ATRNL1: variants seen among roughly 807,000 people sequenced by gnomAD.
ATRNL1 encodes the protein attractin like 1.
A neutral mutation model predicts 182.7 loss-of-function variants in ATRNL1; 95 were observed. The observed-to-expected ratio is 0.52, with a 90% CI of 0.44 to 0.62. The LOEUF (loss-of-function observed/expected upper bound fraction) is 0.62, where lower values mean the gene tolerates loss of function less well. ATRNL1 is among the 20% of genes least tolerant of loss of function. The pLI, the probability that ATRNL1 is intolerant of heterozygous loss-of-function variation, is 0.00. For synonymous variants in ATRNL1, 576 were observed against 568.3 expected, an observed-to-expected ratio of 1.01 and a Z score of -0.19; for missense variants, 1,471 against 1,679.5, an observed-to-expected ratio of 0.88 and a Z score of 2.17.
chr10:115,572,468 G>A (rs868980617), intron 26 of ATRNL1, among the ~76,000 whole-genome samples: 1 of 152,108 alleles, frequency 6.6e-6, no homozygotes, highest in Non-Finnish European at 1.5e-5. Context: ...CTACAATCTA[G>A]GGTTTTACCT....
At chr10:115,409,221 G>C (rs1554959198) in intron 20 of ATRNL1, among the ~76,000 whole-genome samples, 1 of 151,968 alleles carries the variant, frequency 6.6e-6, no homozygotes, top group Non-Finnish European at 1.5e-5. Flanking sequence ...CTTTTTATTT[G>C]TTTGCATTCT....
chr10:115,209,015 G>A (rs77834916), intron 8 of ATRNL1, among the ~76,000 whole-genome samples: 82 of 151,494 alleles, frequency 5.4e-4, no homozygotes, highest in African/African-American at 1.9e-3. Context: ...TACTACGGAA[G>A]CAAAAACTAC....
chr10:115,533,438 C>T (rs1478998195), intron 25 of ATRNL1, among the ~76,000 whole-genome samples: 7 of 151,272 alleles, frequency 4.6e-5, no homozygotes, highest in South Asian at 2.1e-4. Flanking sequence ...TCTGTGGGAT[C>T]AGTGGTGATA....
At chr10:115,233,832 G>A (rs1318422434) in intron 9 of ATRNL1, among the ~76,000 whole-genome samples, 2 of 151,652 alleles carry the variant, frequency 1.3e-5, no homozygotes, top group South Asian at 2.1e-4. Context: ...ACTCAACTTG[G>A]GTTAAATCAA....
At chr10:115,205,431 G>A (rs963379586) in intron 8 of ATRNL1, among the ~76,000 whole-genome samples, 1 of 151,204 alleles carries the variant, frequency 6.6e-6, no homozygotes, top group African/African-American at 2.4e-5. Context: ...TTCCTCTTAC[G>A]ATTTCATTTT....
At chr10:115,178,589 C>T (rs1554887263) in intron 8 of ATRNL1, among the ~76,000 whole-genome samples, 1 of 152,090 alleles carries the variant, frequency 6.6e-6, no homozygotes, top group African/African-American at 2.4e-5. Flanking sequence ...AACCTAATCC[C>T]CATTGCGGTA....
rs1315245921 is a variant in ATRNL1 at position 115,889,241 on chromosome 10, A to G, written c.4018+41250A>G. ...AGCATCTCTCTCTTAGTCCATTACT[A>G]TTTGTTTCAGCTACTTACACACTTT... On this transcript the variant is annotated intron_variant, in intron 28 of 28. Coordinates refer to ENST00000355044, the MANE Select transcript of ATRNL1 (RefSeq NM_207303.4). 2.6e-5 allele frequency among the ~76,000 whole-genome samples: 4 copies of G among 152,272 alleles called. No individual in the cohort carries two copies. In the East Asian group the frequency reaches 5.8e-4, roughly 22 times the overall value.
intron 15 of ATRNL1, among the ~76,000 whole-genome samples, chr10:115,299,628 T>C (rs1252154062): frequency 1.3e-5 from 2 of 152,130 alleles, no homozygotes; most frequent in African/African-American, 4.8e-5. Context: ...TGGCAATTTA[T>C]CTTTAGAGTC....
chr10:115,642,186 T>G (rs1859295457), intron 26 of ATRNL1, among the ~76,000 whole-genome samples: 1 of 152,172 alleles, frequency 6.6e-6, no homozygotes, highest in African/African-American at 2.4e-5. Flanking sequence ...AAATCAAGGG[T>G]ATTTCCATAT....
At chr10:115,392,953 C>T (rs1221745215) in intron 19 of ATRNL1, among the ~76,000 whole-genome samples, 1 of 152,124 alleles carries the variant, frequency 6.6e-6, no homozygotes, top group East Asian at 1.9e-4. Context: ...CCTTCCACCT[C>T]AGTTAAATAG....
intron 21 of ATRNL1, among the ~76,000 whole-genome samples, chr10:115,430,070 C>CA (rs1294836785): frequency 6.6e-6 from 1 of 151,904 alleles, no homozygotes; most frequent in African/African-American, 2.4e-5. Context: ...GACTCTGTCT[C>CA]AAAAAACAAC....
chr10:115,362,530 T>TA (rs1564955043), intron 19 of ATRNL1, among the ~76,000 whole-genome samples: 1 of 151,804 alleles, frequency 6.6e-6, no homozygotes, highest in African/African-American at 2.4e-5. Context: ...TTTTTTTTTT[T>TA]TTATTATACT....
chr10:115,344,076 C>T (rs1275928324), intron 19 of ATRNL1, among the ~76,000 whole-genome samples: 1 of 152,150 alleles, frequency 6.6e-6, no homozygotes, highest in Non-Finnish European at 1.5e-5. Flanking sequence ...GCTGGTCAGA[C>T]ATGAAGCCAG....
rs1195427047 is a variant in ATRNL1, at chr10:115,469,333, A to G, written c.3654+4A>G. On this transcript the variant is annotated splice_donor_region_variant and intron_variant, in intron 24 of 28. Transcript: ENST00000355044. ...TTCCTGGCCTATTAAAATACAGGTA[A>G]GTGTTAAGAGTATTTACTTCTAATG... The G allele has an allele frequency of 2.0e-6, 3 of 1,502,008 alleles. No individual in the cohort carries two copies. Among genetic ancestry groups the G allele is most frequent in the Non-Finnish European group, 2.7e-6 (3 of 1,124,586 alleles). The allele number at this position is 1,502,008 out of a possible 1,614,324, so 93.0% of individuals were successfully genotyped here. A position where few individuals can be genotyped will look rare whatever the true frequency, so the allele number is the denominator to read the frequency against.
At chr10:115,399,301 T>C (rs565351060) in intron 20 of ATRNL1, among the ~76,000 whole-genome samples, 1 of 152,038 alleles carries the variant, frequency 6.6e-6, no homozygotes, top group South Asian at 2.1e-4. Context: ...GAACTCATCA[T>C]GTCCTGGGTT....
chr10:115,378,478 A>G (rs1857801615), intron 19 of ATRNL1, among the ~76,000 whole-genome samples: 3 of 152,152 alleles, frequency 2.0e-5, no homozygotes, highest in Admixed American at 1.3e-4. Flanking sequence ...CTGTTTTACA[A>G]CTGTAAATAA....
chr10:115,700,700 A>G (rs1555051263), intron 26 of ATRNL1, among the ~76,000 whole-genome samples: 1 of 152,098 alleles, frequency 6.6e-6, no homozygotes, highest in Non-Finnish European at 1.5e-5. Context: ...ACAGTAAAGA[A>G]GGACAAAGAA....
chr10:115,847,736 G>T, intron 27 of ATRNL1, 141 bp from the exon 28 acceptor site: 1 of 614,300 alleles, frequency 1.6e-6, no homozygotes, highest in South Asian at 1.9e-5. Context: ...AGTGTGCAAG[G>T]AGCTAGTGTT....
At chr10:115,439,189 G>A (rs782708995) in intron 21 of ATRNL1, among the ~76,000 whole-genome samples, 29 of 151,910 alleles carry the variant, frequency 1.9e-4, no homozygotes, top group Non-Finnish European at 3.1e-4. Flanking sequence ...ATCATGTTGA[G>A]TAGACTGAGG....
Sources: allele counts gnomAD v4.1 joint callset (sites outside exome capture counted in the v4.1 genomes callset), GRCh38; gene constraint gnomAD v4.1.1; transcripts MANE v1.5; gene names NCBI Gene and HGNC (gene_info 2026-07-23, HGNC 2026-07-21).